The following ARHGAP39 variants were observed in gnomAD, a reference collection of about 807,000 sequenced individuals.
ARHGAP39 encodes the protein Rho GTPase activating protein 39.
In ARHGAP39, 44 loss-of-function variants were observed where a neutral mutation model predicts 106.9. The observed-to-expected ratio is 0.41, with a 90% confidence interval of 0.32 to 0.53. The LOEUF (loss-of-function observed/expected upper bound fraction) is 0.53, where lower values mean the gene tolerates loss of function less well. Ranked by LOEUF, ARHGAP39 falls within the 20% of genes least tolerant of loss-of-function variation. ARHGAP39 has a pLI of 0.21. For missense variants in ARHGAP39, 1,496 were observed against 1,577.3 expected, an observed-to-expected ratio of 0.95 and a Z score of 0.87; for synonymous variants, 768 against 693.2, an observed-to-expected ratio of 1.11 and a Z score of -1.69.
At chr8:144,566,876 A>G (rs962063439) in intron 3 of ARHGAP39, among the ~76,000 whole-genome samples, 3 of 150,492 alleles carry the variant, frequency 2.0e-5, no homozygotes, top group Non-Finnish European at 4.4e-5. Flanking sequence ...AAAAAAAAAA[A>G]GAAATAAAGG....
At chr8:144,597,298 A>G (rs1164260938) in intron 2 of ARHGAP39, among the ~76,000 whole-genome samples, 1 of 152,242 alleles carries the variant, frequency 6.6e-6, no homozygotes, top group Non-Finnish European at 1.5e-5. Flanking sequence ...ACTCTGCACC[A>G]GCAGCCACAC....
At chr8:144,607,116 A>G (rs1474148975) in intron 1 of ARHGAP39, among the ~76,000 whole-genome samples, 2 of 151,932 alleles carry the variant, frequency 1.3e-5, no homozygotes, top group East Asian at 3.9e-4. Context: ...TCCTACCAAT[A>G]AGTAAGGAAA....
chr8:144,696,772 T>C, the ARHGAP39 span, among the ~76,000 whole-genome samples: 2 of 152,206 alleles, frequency 1.3e-5, no homozygotes, highest in Non-Finnish European at 2.9e-5. Context: ...TCTCCAGAAC[T>C]CTTTAACTGT....
intron 2 of ARHGAP39, 113 bp downstream of exon 2, chr8:144,605,422 C>T (rs1319468133): frequency 3.3e-5 from 38 of 1,160,100 alleles, no homozygotes; most frequent in Non-Finnish European, 4.6e-5. Context: ...CAGCCAGCGA[C>T]GAATCCATTC....
intron 1 of ARHGAP39, among the ~76,000 whole-genome samples, chr8:144,619,144 G>A (rs1820716403): frequency 6.6e-6 from 1 of 152,200 alleles, no homozygotes; most frequent in African/African-American, 2.4e-5. Context: ...TTCCAGTCAT[G>A]AGTGGGCAAC....
chr8:144,557,358 G>GC (rs1451181677), intron 3 of ARHGAP39, among the ~76,000 whole-genome samples: 51 of 128,472 alleles, frequency 4.0e-4, no homozygotes, highest in Admixed American at 7.3e-4. Context: ...GTAGTATTCA[G>GC]AGGCAAAGGC....
rs1206091074 is a variant in ARHGAP39 at position 144,547,911 on chromosome 8, T to G, written c.1175A>C (p.Lys392Thr). 3.2e-6 allele frequency: 5 copies of G among 1,584,778 alleles called. No homozygotes were observed. The highest frequency in any genetic ancestry group is 4.3e-6 in the Non-Finnish European group (5 of 1,166,118). ...FLSLEYSPAGKEYVRQLVYVE... is the reference protein window; with the variant it reads ...FLSLEYSPAGTEYVRQLVYVE... ...GTAGACCAGCTGCCGCACGTACTCC[T>G]TGCCGGCGGGACTGTACTCCAGGCT... Residue 392 changes from lysine to threonine, a missense_variant, in exon 5 of 12, where the codon AAG becomes ACG. Transcript: ENST00000377307. This position sits in a 1 kb window ranked among gnomAD's most constrained non-coding sequence, Gnocchi z 5.2.
chr8:144,532,470 T>A, intron 9 of ARHGAP39, 74 bp from the exon 10 acceptor site: 1 of 1,360,740 alleles, frequency 7.3e-7, no homozygotes, highest in Non-Finnish European at 1.0e-6. Flanking sequence ...GGACACTCCC[T>A]CCGGTAGGCC....
At position 144,530,253 on chromosome 8, in the gene ARHGAP39, C is replaced by T. The variant is rs1411711993; in HGVS notation, c.*169G>A. 3 of 746,142 alleles carry T rather than the reference C, an allele frequency of 4.0e-6. No individual in the cohort carries two copies. The highest frequency in any genetic ancestry group is 3.7e-5 in the South Asian group (2 of 53,526). 46.2% of individuals were successfully genotyped at this position (746,142 alleles called of 1,614,324 possible). A position where few individuals can be genotyped will look rare whatever the true frequency, so the allele number is the denominator to read the frequency against. ...CGCCGCTGCTGTGCCCTGGCTGCAC[C>T]CTCAGACCAGGCAGAAGACGTGGGG... On this transcript the variant is annotated 3_prime_UTR_variant, in exon 12 of 12. Coordinates refer to ENST00000377307, the MANE Select transcript of ARHGAP39 (RefSeq NM_025251.3).
intron 1 of ARHGAP39, among the ~76,000 whole-genome samples, chr8:144,621,135 A>G (rs1480966219): frequency 6.6e-6 from 1 of 152,270 alleles, no homozygotes; most frequent in East Asian, 1.9e-4. Flanking sequence ...CTGCCCTGTT[A>G]GCATGACATC....
chr8:144,552,094 T>A (rs1817717058), intron 4 of ARHGAP39, among the ~76,000 whole-genome samples: 1 of 152,224 alleles, frequency 6.6e-6, no homozygotes, highest in South Asian at 2.1e-4. Flanking sequence ...CACAGGCTGT[T>A]CAGGGGACAC....
intron 1 of ARHGAP39, among the ~76,000 whole-genome samples, chr8:144,629,034 C>G (rs1353958117): frequency 6.6e-6 from 1 of 152,200 alleles, no homozygotes; most frequent in Non-Finnish European, 1.5e-5. Context: ...GTGCCTCCCT[C>G]CCCCAAAGGT....
chr8:144,562,245 CACTCCAGTGGTTTCCATCGT>C (rs1564849172), intron 3 of ARHGAP39, among the ~76,000 whole-genome samples: 1 of 150,744 alleles, frequency 6.6e-6, no homozygotes, highest in Non-Finnish European at 1.5e-5. Context: ...GTTTCCATCA[CACTCCAGTGGTTTCCATCGT>C]GCTCCAGTGG....
At chr8:144,633,736 G>A (rs1000344046) in intron 1 of ARHGAP39, among the ~76,000 whole-genome samples, 1 of 152,118 alleles carries the variant, frequency 6.6e-6, no homozygotes, top group African/African-American at 2.4e-5. Context: ...ACCCAGGCTG[G>A]AGCGCAGTGG....
Position 144,581,189 on chromosome 8 carries a change from C to A in ARHGAP39, c.169G>T (p.Ala57Ser). The change falls in exon 3 of 12, where the codon GCC becomes TCC. Residue 57 changes from alanine (A) to serine (S), a missense_variant. Coordinates refer to ENST00000377307, the MANE Select transcript of ARHGAP39 (RefSeq NM_025251.3). The part of the protein sequence containing the change: ...VTGECVWDPP[A>S]GVRIKRTSEN... The stretch of plus-strand genomic sequence containing the variant: ...CTGGTGCGCTTGATGCGGACGCCGG[C>A]CGGCGGGTCCCACACGCACTCACCG... 1 of 1,559,586 alleles carries A rather than the reference C, an allele frequency of 6.4e-7. No individual in the cohort carries two copies. Among genetic ancestry groups the A allele is most frequent in the Non-Finnish European group, 8.7e-7 (1 of 1,152,284 alleles).
At chr8:144,606,857 T>C (rs1820310604) in intron 1 of ARHGAP39, among the ~76,000 whole-genome samples, 1 of 152,088 alleles carries the variant, frequency 6.6e-6, no homozygotes, top group South Asian at 2.1e-4. Context: ...TGGAAAGAAA[T>C]GTAGGAGAAA....
intron 7 of ARHGAP39, among the ~76,000 whole-genome samples, chr8:144,536,865 A>G (rs986473137): frequency 6.6e-6 from 1 of 152,236 alleles, no homozygotes; most frequent in African/African-American, 2.4e-5. Flanking sequence ...CTGGGCCTGC[A>G]TGGGCAGCAT....
intron 2 of ARHGAP39, among the ~76,000 whole-genome samples, chr8:144,596,124 A>G (rs1472784118): frequency 6.6e-6 from 1 of 152,172 alleles, no homozygotes; most frequent in Non-Finnish European, 1.5e-5. Flanking sequence ...ACATGACCGG[A>G]ACCCAACGGG....
At chr8:144,589,920 T>A (rs1250416105) in intron 2 of ARHGAP39, among the ~76,000 whole-genome samples, 1 of 152,236 alleles carries the variant, frequency 6.6e-6, no homozygotes, top group Non-Finnish European at 1.5e-5. Flanking sequence ...GAGGCTGAGA[T>A]GCGTGGGAGC....
Sources: allele counts gnomAD v4.1 joint callset (sites outside exome capture counted in the v4.1 genomes callset), GRCh38; gene constraint gnomAD v4.1.1; non-coding constraint Gnocchi (gnomAD v3.1); transcripts MANE v1.5; gene names NCBI Gene and HGNC (gene_info 2026-07-23, HGNC 2026-07-21).